LPA: variants seen among roughly 807,000 people sequenced by gnomAD.
The protein encoded by LPA is lipoprotein(a).
LPA carries 199 observed loss-of-function variants against 197.9 expected under a neutral mutation model. That is an observed-to-expected ratio of 1.01 (90% confidence interval 0.90 to 1.13). The LOEUF (loss-of-function observed/expected upper bound fraction) is 1.13. Among genes scored for constraint, LPA ranks in the 50% most tolerant of loss-of-function variants. The probability of loss-of-function intolerance (pLI) is 0.00; values close to 1 mark genes in which losing one functional copy is unlikely to be tolerated. For missense variants in LPA, 1,853 were observed against 1,785.8 expected (o/e 1.04, Z -0.68); for synonymous variants, 715 against 639.5 (o/e 1.12, Z -1.78).
intron 37 of LPA, among the ~76,000 whole-genome samples, chr6:160,535,635 G>A (rs1224442269): frequency 1.2e-5 from 1 of 80,552 alleles, no homozygotes; most frequent in Admixed American, 1.4e-4. Context: ...GATGGTGGTG[G>A]AATGGTGGTG....
chr6:160,553,002 A>T (rs1178301318), intron 30 of LPA, among the ~76,000 whole-genome samples: 1 of 151,950 alleles, frequency 6.6e-6, no homozygotes, highest in Non-Finnish European at 1.5e-5. Context: ...TTGTCCTAGG[A>T]TTTATAATAT....
Position 160,664,275 on chromosome 6 carries a change from C to A in LPA, c.-61G>T, listed in dbSNP as rs941654367. On this transcript the variant is annotated 5_prime_UTR_variant, in exon 1 of 39. Transcript: ENST00000316300. ...CCAATCCCAGGACATTGTTGACTTACATGAGAGTAAACGCACCCACAAACC... is the reference window on the plus strand; with the variant it reads ...CCAATCCCAGGACATTGTTGACTTAAATGAGAGTAAACGCACCCACAAACC... The A allele has an allele frequency of 3.7e-5, 58 of 1,572,136 alleles. No homozygotes were observed. The highest frequency in any genetic ancestry group is 4.8e-5 in the Non-Finnish European group (55 of 1,154,264).
rs1779355617 is a variant in LPA, at chr6:160,606,522, G to C, written c.2740C>G (p.Pro914Ala). 9.3e-6 allele frequency: 15 copies of C among 1,613,628 alleles called. No individual in the cohort carries two copies. The highest frequency in any genetic ancestry group is 1.1e-5 in the Non-Finnish European group (13 of 1,179,934). The change falls in exon 17 of 39, where the codon CCA becomes GCA. Residue 914 changes from proline (P) to alanine (A), a missense_variant. Pro to Ala is a conservative substitution (Grantham distance 27). Coordinates refer to ENST00000316300, the MANE Select transcript of LPA (RefSeq NM_005577.4). ...AGGCTTGGAATCGGGGTAATAGTTG[G>C]AGGCGCGACGGCAGTCCCTTCTGCG... ...SDAEGTAVAP[P>A]TITPIPSLEA...
At chr6:160,656,964 C>A (rs977829342) in intron 1 of LPA, among the ~76,000 whole-genome samples, 52 of 152,198 alleles carry the variant, frequency 3.4e-4, no homozygotes, top group Admixed American at 1.5e-3. Flanking sequence ...ATGAGTCAGA[C>A]TATTCTGATG....
chr6:160,583,653 T>C (rs2115036543), intron 26 of LPA, among the ~76,000 whole-genome samples: 1 of 152,320 alleles, frequency 6.6e-6, no homozygotes, highest in South Asian at 2.1e-4. Context: ...ATACACAGCT[T>C]TCTGTTCAGC....
intron 28 of LPA, among the ~76,000 whole-genome samples, chr6:160,567,310 C>T (rs1305823219): frequency 6.6e-6 from 1 of 152,190 alleles, no homozygotes; most frequent in Non-Finnish European, 1.5e-5. Flanking sequence ...GACCACAGTG[C>T]AATCAAACTA....
chr6:160,542,648 A>G, intron 34 of LPA, 40 bp downstream of exon 34: 1 of 1,611,518 alleles, frequency 6.2e-7, no homozygotes, highest in Non-Finnish European at 8.5e-7. Flanking sequence ...TGGGGCTTAC[A>G]TGGAAGGACA....
chr6:160,589,559 G>C lies in LPA; in HGVS notation c.3941C>G (p.Pro1314Arg), dbSNP rs889344057. The change falls in exon 24 of 39, where the codon CCA becomes CGA. Residue 1314 changes from proline (P) to arginine (R), a missense_variant. Physicochemically the swap from Pro to Arg is moderately radical, Grantham distance 103 (BLOSUM62 -2). Coordinates refer to ENST00000316300, the MANE Select transcript of LPA (RefSeq NM_005577.4). ...HWHQRTTEYY[P>R]NGGLTRNYCR... Reference sequence around the variant, plus strand: ...AGAAAACTCAAAGACATACCCATTTGGGTAGTATTCTGTGGTTCTCTGATG... The same window carrying C: ...AGAAAACTCAAAGACATACCCATTTCGGTAGTATTCTGTGGTTCTCTGATG... 1 of 1,613,524 alleles carries C rather than the reference G, an allele frequency of 6.2e-7. No homozygotes were observed. Among genetic ancestry groups the C allele is most frequent in the African/African-American group, 1.3e-5 (1 of 74,880 alleles).
rs1394307865 is a variant in LPA at position 160,578,701 on chromosome 6, G to T, written c.4293C>A (p.Gly1431=). ...RRIPLYYPNA[G]LTRNYCRNPD... ...GATTCCTGCAGTAGTTCCTGGTCAG[G>T]CCACTGCAAATTTCAAAACAACACA... The change falls in exon 27 of 39, where the codon GGC becomes GGA. Residue 1431 remains glycine (G), a synonymous_variant. Transcript: ENST00000316300. 6.2e-7 allele frequency: 1 copy of T among 1,613,750 alleles called. No individual in the cohort carries two copies. Among genetic ancestry groups the T allele is most frequent in the Admixed American group, 1.7e-5 (1 of 60,012 alleles).
intron 1 of LPA, among the ~76,000 whole-genome samples, chr6:160,656,290 A>G (rs1252342275): frequency 2.6e-5 from 4 of 152,162 alleles, no homozygotes; most frequent in African/African-American, 4.8e-5. Flanking sequence ...TTCTAGGTAG[A>G]GACAGCTCTA....
intron 2 of LPA, among the ~76,000 whole-genome samples, chr6:160,648,704 C>A (rs1779950402): frequency 6.6e-6 from 1 of 151,830 alleles, no homozygotes; most frequent in Non-Finnish European, 1.5e-5. Context: ...GATGGGGAGG[C>A]CATCTAGTAA....
intron 15 of LPA, 107 bp from the exon 16 acceptor site, chr6:160,611,828 A>T (rs1309362465): frequency 9.7e-7 from 1 of 1,027,134 alleles, no homozygotes; most frequent in South Asian, 1.6e-5. Context: ...TATGAACGTT[A>T]TCTTTCCCTT....
At chr6:160,595,301 C>T in intron 21 of LPA, 53 bp downstream of exon 21, 3 of 1,603,790 alleles carry the variant, frequency 1.9e-6, no homozygotes, top group East Asian at 4.5e-5. Flanking sequence ...GATTTTGCAA[C>T]TCTTTTCATC....
chr6:160,653,641 AG>A (rs906296744), intron 1 of LPA, among the ~76,000 whole-genome samples: 1 of 151,842 alleles, frequency 6.6e-6, no homozygotes, highest in African/African-American at 2.4e-5. Context: ...CAATTCCAAA[AG>A]ATAAAAGAGG....
rs1777974771 is a variant in LPA, at chr6:160,541,122, G to A, written c.5579C>T (p.Ala1860Val). The change falls in exon 35 of 39, where the codon GCT becomes GTT. Residue 1860 changes from alanine (A) to valine (V), a missense_variant. Ala to Val is a moderately conservative substitution (Grantham distance 64). Coordinates refer to ENST00000316300, the MANE Select transcript of LPA (RefSeq NM_005577.4). ...TTAAACGTACTTCTTCAAGCAGTGA[G>A]CAGCAGTCAGCACCCACTCTGGGGA... Reference protein sequence around the residue: ...LISPEWVLTAAHCLKKSSRPS... With the variant: ...LISPEWVLTAVHCLKKSSRPS... 6.2e-7 allele frequency: 1 copy of A among 1,613,982 alleles called. No homozygotes were observed. Among genetic ancestry groups the A allele is most frequent in the African/African-American group, 1.3e-5 (1 of 74,906 alleles).
intron 33 of LPA, among the ~76,000 whole-genome samples, chr6:160,544,349 C>T (rs1028755268): frequency 2.0e-5 from 3 of 152,056 alleles, no homozygotes; most frequent in Non-Finnish European, 2.9e-5. Flanking sequence ...GCAATAGCAC[C>T]GACAAAATAG....
At chr6:160,590,438 G>C (rs563107766) in intron 23 of LPA, among the ~76,000 whole-genome samples, 1 of 152,302 alleles carries the variant, frequency 6.6e-6, no homozygotes, top group South Asian at 2.1e-4. Flanking sequence ...CAGGGAGATA[G>C]AGCATTTGCT....
At chr6:160,592,918 C>A (rs1779057279) in intron 22 of LPA, among the ~76,000 whole-genome samples, 1 of 152,240 alleles carries the variant, frequency 6.6e-6, no homozygotes. Flanking sequence ...TGAGCTCTAG[C>A]ATCTCCATTG....
chr6:160,558,223 A>AT (rs565556296), intron 28 of LPA, among the ~76,000 whole-genome samples: 16 of 152,024 alleles, frequency 1.1e-4, no homozygotes, highest in South Asian at 6.3e-4. Flanking sequence ...CTGGCCTTAG[A>AT]TTTTTTTAAT....
Sources: allele counts gnomAD v4.1 joint callset (sites outside exome capture counted in the v4.1 genomes callset), GRCh38; gene constraint gnomAD v4.1.1; transcripts MANE v1.5; gene names NCBI Gene and HGNC (gene_info 2026-07-23, HGNC 2026-07-21).